The following GPC5 variants were observed in gnomAD, a reference collection of about 807,000 sequenced individuals.
GPC5 encodes glypican-5.
Under a neutral mutation model 53.9 loss-of-function variants are expected in GPC5, and 47 were observed. The ratio of observed to expected loss-of-function variants is 0.87; its 90% CI spans 0.69 to 1.11. GPC5 has a LOEUF of 1.11. Ranked by LOEUF, GPC5 falls within the 50% of genes most tolerant of loss-of-function variation. GPC5 has a pLI of 0.00. For missense variants in GPC5, 748 were observed against 713.1 expected (o/e 1.05, Z -0.56); for synonymous variants, 286 against 263.3 (o/e 1.09, Z -0.84).
chr13:91,995,275 A>T (rs1410039767), intron 6 of GPC5: 2 of 152,068 alleles, frequency 1.3e-5, no homozygotes, highest in Non-Finnish European at 2.9e-5. Flanking sequence ...CCCGGCCTGA[A>T]ACTTATCTTC....
chr13:91,536,288 A>G (rs952374839), intron 2 of GPC5, among the ~76,000 whole-genome samples: 1 of 152,186 alleles, frequency 6.6e-6, no homozygotes, highest in African/African-American at 2.4e-5. Context: ...GGAGCAGTTG[A>G]CGAAAAATCA....
At chr13:91,894,546 C>T (rs1261061559) in intron 5 of GPC5, among the ~76,000 whole-genome samples, 1 of 152,150 alleles carries the variant, frequency 6.6e-6, no homozygotes, top group Non-Finnish European at 1.5e-5. Flanking sequence ...GAATCCCATT[C>T]CATTTTTTAT....
chr13:91,709,489 T>C (rs1372560971), intron 3 of GPC5, among the ~76,000 whole-genome samples: 3 of 152,156 alleles, frequency 2.0e-5, no homozygotes, highest in Non-Finnish European at 2.9e-5. Context: ...TTGAATGAAA[T>C]AGGCTCTCCC....
At chr13:91,980,632 A>G (rs2040348640) in intron 6 of GPC5, among the ~76,000 whole-genome samples, 1 of 152,216 alleles carries the variant, frequency 6.6e-6, no homozygotes, top group African/African-American at 2.4e-5. Context: ...CTTTTTAAGA[A>G]TCAAGTTTTT....
chr13:91,803,348 G>A (rs981676270), intron 5 of GPC5, among the ~76,000 whole-genome samples: 1 of 151,922 alleles, frequency 6.6e-6, no homozygotes, highest in African/African-American at 2.4e-5. Context: ...TAATATTTTT[G>A]TATTTAATAC....
intron 1 of GPC5, among the ~76,000 whole-genome samples, chr13:91,443,499 A>T (rs1188498576): frequency 6.6e-6 from 1 of 152,190 alleles, no homozygotes. Context: ...TGGTAGCCCA[A>T]GCAGACTAAC....
At chr13:92,218,717 T>G (rs1043804005) in intron 7 of GPC5, among the ~76,000 whole-genome samples, 6 of 152,196 alleles carry the variant, frequency 3.9e-5, no homozygotes, top group Non-Finnish European at 8.8e-5. Flanking sequence ...AAATCCAGCT[T>G]TCCCGAAATT....
At chr13:91,769,467 G>C (rs342703) in intron 5 of GPC5, among the ~76,000 whole-genome samples, 109,142 of 152,054 alleles carry the variant, frequency 0.72, 39,408 homozygotes, top group East Asian at 0.89. Flanking sequence ...TGCCATAGAA[G>C]TTGGGTTAAG....
chr13:91,718,210 A>C (rs945250287), intron 3 of GPC5, among the ~76,000 whole-genome samples: 7 of 151,940 alleles, frequency 4.6e-5, no homozygotes, highest in Non-Finnish European at 1.0e-4. Flanking sequence ...TCCCCGGTTC[A>C]TGCCATTCTC....
chr13:92,012,500 TGAAA>T (rs1271759978), intron 6 of GPC5, among the ~76,000 whole-genome samples: 1 of 152,254 alleles, frequency 6.6e-6, no homozygotes, highest in East Asian at 1.9e-4. Context: ...GTCATTTGAA[TGAAA>T]GAACATAGCA....
chr13:92,007,841 T>A (rs946117719), intron 6 of GPC5, among the ~76,000 whole-genome samples: 15 of 152,164 alleles, frequency 9.9e-5, no homozygotes, highest in African/African-American at 3.4e-4. Context: ...TCGCTCAAGA[T>A]GAAATAGGCA....
At position 92,487,840 on chromosome 13, in the gene GPC5, T is replaced by TA. The variant is rs66972682; in HGVS notation, c.1561+342871dup. ...AAATATGGACTATATATAAATATAGTAAAAAAAAAAAAAAAAAAAAGAAAG... is the reference window on the plus strand; with the variant it reads ...AAATATGGACTATATATAAATATAGTAAAAAAAAAAAAAAAAAAAAAGAAAG... On this transcript the variant is annotated intron_variant, in intron 7 of 7. Coordinates refer to ENST00000377067, the MANE Select transcript of GPC5 (RefSeq NM_004466.6). Among the ~76,000 whole-genome samples the TA allele has an allele frequency of 2.5e-3, 248 of 99,564 alleles. 1 individual carries two copies. Among genetic ancestry groups the TA allele is most frequent in the East Asian group, 7.8e-3 (32 of 4,092 alleles). The allele number at this position is 99,564 out of a possible 152,430, so 65.3% of individuals were successfully genotyped here. A position where few individuals can be genotyped will look rare whatever the true frequency, so the allele number is the denominator to read the frequency against.
At chr13:91,877,507 A>G (rs1326489316) in intron 5 of GPC5, among the ~76,000 whole-genome samples, 2 of 152,142 alleles carry the variant, frequency 1.3e-5, no homozygotes, top group Non-Finnish European at 2.9e-5. Context: ...TGGATTTCAG[A>G]CTTGCATGGG....
intron 7 of GPC5, among the ~76,000 whole-genome samples, chr13:92,268,151 G>A (rs1224654009): frequency 1.3e-5 from 2 of 151,884 alleles, no homozygotes; most frequent in Non-Finnish European, 2.9e-5. Flanking sequence ...TACTATTTAT[G>A]TGCTATCACG....
intron 6 of GPC5, among the ~76,000 whole-genome samples, chr13:92,130,325 C>T (rs1263799334): frequency 6.8e-6 from 1 of 147,680 alleles, no homozygotes; most frequent in African/African-American, 2.5e-5. Context: ...TTAGAGGAAG[C>T]AATGATGTTA....
chr13:92,346,984 C>T (rs747130356), intron 7 of GPC5, among the ~76,000 whole-genome samples: 9 of 151,910 alleles, frequency 5.9e-5, no homozygotes, highest in Non-Finnish European at 1.2e-4. Flanking sequence ...TACAATTATT[C>T]AATCAAAGGA....
At chr13:92,698,459 T>G (rs1184608105) in intron 7 of GPC5, among the ~76,000 whole-genome samples, 1 of 152,140 alleles carries the variant, frequency 6.6e-6, no homozygotes, top group East Asian at 1.9e-4. Flanking sequence ...GAATGATGGT[T>G]TCCAGCTTCA....
intron 7 of GPC5, among the ~76,000 whole-genome samples, chr13:92,403,623 C>A (rs1178326194): frequency 1.3e-5 from 2 of 152,182 alleles, no homozygotes; most frequent in African/African-American, 2.4e-5. Flanking sequence ...AAATTATCTT[C>A]TATGAAATTG....
At chr13:92,621,060 G>C (rs1884853468) in intron 7 of GPC5, among the ~76,000 whole-genome samples, 1 of 152,176 alleles carries the variant, frequency 6.6e-6, no homozygotes, top group Non-Finnish European at 1.5e-5. Flanking sequence ...GTGGGAAGCT[G>C]GGGTGAGGTC....
Sources: allele counts gnomAD v4.1 joint callset (sites outside exome capture counted in the v4.1 genomes callset), GRCh38; gene constraint gnomAD v4.1.1; transcripts MANE v1.5; gene names NCBI Gene and HGNC (gene_info 2026-07-23, HGNC 2026-07-21).